Variants in ARHGEF38 observed in about 807,000 individuals in gnomAD.
ARHGEF38 encodes the protein Rho guanine nucleotide exchange factor 38.
ARHGEF38 carries 79 observed loss-of-function variants against 79.9 expected under a neutral mutation model. The observed-to-expected ratio is 0.99, with a 90% CI of 0.82 to 1.19. ARHGEF38 has a LOEUF of 1.19. Ranked by LOEUF, ARHGEF38 falls within the 50% of genes most tolerant of loss-of-function variation. The pLI, the probability that ARHGEF38 is intolerant of heterozygous loss-of-function variation, is 0.00. For synonymous variants in ARHGEF38, 366 were observed against 328.3 expected (o/e 1.11, Z -1.24); for missense variants, 962 against 907.2 (o/e 1.06, Z -0.78).
At chr4:105,613,624 G>A in intron 3 of ARHGEF38, 117 bp downstream of exon 3, 1 of 1,124,848 alleles carries the variant, frequency 8.9e-7, no homozygotes, top group African/African-American at 1.6e-5. Context: ...ATATATAAAT[G>A]CTAAACCCAT....
At chr4:105,561,634 C>A (rs1250407400) in intron 1 of ARHGEF38, 1 of 152,046 alleles carries the variant, frequency 6.6e-6, no homozygotes, top group African/African-American at 2.4e-5. Flanking sequence ...ACCATCCGAC[C>A]TAAAGTGATG....
intron 3 of ARHGEF38, among the ~76,000 whole-genome samples, chr4:105,628,554 A>G (rs1729046993): frequency 6.6e-6 from 1 of 152,198 alleles, no homozygotes; most frequent in Non-Finnish European, 1.5e-5. Flanking sequence ...TATGACCTAC[A>G]CTAGTTGAAG....
At chr4:105,619,999 A>G (rs890807415) in intron 3 of ARHGEF38, among the ~76,000 whole-genome samples, 1 of 152,194 alleles carries the variant, frequency 6.6e-6, no homozygotes, top group Admixed American at 6.5e-5. Flanking sequence ...CCTGATACCT[A>G]GATAAACTAT....
intron 3 of ARHGEF38, among the ~76,000 whole-genome samples, chr4:105,625,982 G>T (rs544243115): frequency 6.6e-6 from 1 of 151,824 alleles, no homozygotes; most frequent in African/African-American, 2.4e-5. Context: ...CCACCATCTG[G>T]TCCTCAGGCA....
At chr4:105,574,978 A>G (rs900949223) in intron 1 of ARHGEF38, among the ~76,000 whole-genome samples, 1 of 137,100 alleles carries the variant, frequency 7.3e-6, no homozygotes, top group Non-Finnish European at 1.6e-5. Context: ...TATATATAGC[A>G]TATATATATA....
At chr4:105,605,569 T>G (rs1389128736) in intron 2 of ARHGEF38, among the ~76,000 whole-genome samples, 1 of 152,188 alleles carries the variant, frequency 6.6e-6, no homozygotes, top group East Asian at 1.9e-4. Flanking sequence ...AAAGACTTGC[T>G]GTATAGCTGT....
At chr4:105,632,113 A>G (rs1328144529) in intron 4 of ARHGEF38, among the ~76,000 whole-genome samples, 7 of 152,208 alleles carry the variant, frequency 4.6e-5, no homozygotes, top group Non-Finnish European at 7.3e-5. Flanking sequence ...ACTCTGGAGG[A>G]GGCGTTTCCC....
intron 1 of ARHGEF38, among the ~76,000 whole-genome samples, chr4:105,574,500 A>C (rs111292623): frequency 6.7e-6 from 1 of 149,310 alleles, no homozygotes; most frequent in African/African-American, 2.5e-5. Flanking sequence ...TAGTGAGCCG[A>C]GATGGTGCCA....
At position 105,679,299 on chromosome 4, in the gene ARHGEF38, A is replaced by G. The variant is rs1021547953; in HGVS notation, c.*1362A>G. 10 of 759,822 alleles carry G rather than the reference A, an allele frequency of 1.3e-5. No individual in the cohort carries two copies. In the African/African-American group the frequency reaches 1.4e-4, roughly 11 times the overall value. The allele number at this position is 759,822 out of a possible 1,614,324, so 47.1% of individuals were successfully genotyped here. On this transcript the variant is annotated 3_prime_UTR_variant, in exon 14 of 14. Coordinates refer to ENST00000420470, the MANE Select transcript of ARHGEF38 (RefSeq NM_001242729.2). ...GAGAGTATCCAGCCGGAATCATGCC[A>G]CTTTGCCTGTAACCTTTGACTCAAT...
At chr4:105,573,392 G>A (rs962396798) in intron 1 of ARHGEF38, among the ~76,000 whole-genome samples, 1 of 152,094 alleles carries the variant, frequency 6.6e-6, no homozygotes, top group African/African-American at 2.4e-5. Context: ...TCCATTCTGA[G>A]TTAAATTTTG....
At chr4:105,598,299 C>A (rs1254050691) in intron 2 of ARHGEF38, among the ~76,000 whole-genome samples, 1 of 152,166 alleles carries the variant, frequency 6.6e-6, no homozygotes, top group Admixed American at 6.6e-5. Context: ...CAAGACCTCA[C>A]AGACTTTAGT....
At chr4:105,584,697 T>C (rs953040671) in intron 1 of ARHGEF38, among the ~76,000 whole-genome samples, 2 of 152,194 alleles carry the variant, frequency 1.3e-5, no homozygotes, top group Non-Finnish European at 2.9e-5. Flanking sequence ...ATAACTTAGA[T>C]AGATATTACA....
chr4:105,643,640 C>T (rs1459451529), intron 5 of ARHGEF38, among the ~76,000 whole-genome samples: 1 of 151,974 alleles, frequency 6.6e-6, no homozygotes, highest in African/African-American at 2.4e-5. Flanking sequence ...TACTGTATGC[C>T]ATGCAGGAGG....
chr4:105,667,923 T>C (rs1730814164), intron 13 of ARHGEF38, among the ~76,000 whole-genome samples: 1 of 152,212 alleles, frequency 6.6e-6, no homozygotes, highest in Non-Finnish European at 1.5e-5. Context: ...GTATGTAAAG[T>C]AGCCAGCACA....
chr4:105,650,093 A>G (rs1730037306), intron 7 of ARHGEF38, among the ~76,000 whole-genome samples: 1 of 152,246 alleles, frequency 6.6e-6, no homozygotes, highest in Admixed American at 6.5e-5. Flanking sequence ...CATTATTATC[A>G]TAAATTTAAT....
At chr4:105,670,093 A>C (rs1415304804) in intron 13 of ARHGEF38, among the ~76,000 whole-genome samples, 2 of 152,152 alleles carry the variant, frequency 1.3e-5, no homozygotes, top group East Asian at 3.8e-4. Flanking sequence ...TGCTGCTATG[A>C]ATATTCGTGT....
rs528398491 is a variant in ARHGEF38 at position 105,672,201 on chromosome 4, C to T, written c.2148+4498C>T. 2.9e-4 allele frequency among the ~76,000 whole-genome samples: 44 copies of T among 152,240 alleles called. No homozygotes were observed. In the South Asian group the frequency reaches 6.4e-3, roughly 22 times the overall value. ...CCTCAAATACATTGGAAATATTGTG[C>T]TTATTTGCATATGTACACATCTATG... On this transcript the variant is annotated intron_variant, in intron 13 of 13. Transcript: ENST00000420470.
intron 3 of ARHGEF38, among the ~76,000 whole-genome samples, chr4:105,620,183 G>A (rs1728681787): frequency 6.6e-6 from 1 of 152,178 alleles, no homozygotes; most frequent in African/African-American, 2.4e-5. Context: ...TAGGAAATGG[G>A]TTTTCAATCT....
chr4:105,672,715 T>C (rs1259963006), intron 13 of ARHGEF38, among the ~76,000 whole-genome samples: 3 of 152,220 alleles, frequency 2.0e-5, no homozygotes, highest in Admixed American at 6.5e-5. Flanking sequence ...AGATCTCATG[T>C]AGCTGCAATC....
Sources: gnomAD v4.1 joint callset for allele counts (sites outside exome capture counted in the v4.1 genomes callset) on GRCh38, gnomAD v4.1.1 for gene constraint, MANE v1.5 for transcripts, NCBI Gene and HGNC (gene_info 2026-07-23, HGNC 2026-07-21) for gene names.